The following CEP85L variants were observed in gnomAD, a reference collection of about 807,000 sequenced individuals.
CEP85L encodes centrosomal protein of 85 kDa-like.
Under a neutral mutation model 100.3 loss-of-function variants are expected in CEP85L, and 60 were observed. That is an observed-to-expected ratio of 0.60 (90% CI 0.49 to 0.74). The LOEUF (loss-of-function observed/expected upper bound fraction) is 0.74. CEP85L is among the 30% of genes least tolerant of loss of function. The probability of loss-of-function intolerance (pLI) is 0.00; values close to 1 mark genes in which losing one functional copy is unlikely to be tolerated. For synonymous variants in CEP85L, 319 were observed against 322.7 expected (o/e 0.99, Z 0.12); for missense variants, 973 against 936.2 (o/e 1.04, Z -0.51).
chr6:118,645,661 G>C (rs556557356), intron 1 of CEP85L, among the ~76,000 whole-genome samples: 14 of 152,276 alleles, frequency 9.2e-5, no homozygotes, highest in Non-Finnish European at 1.6e-4. Flanking sequence ...GACAGAGTGA[G>C]ACACTGTCTC....
intron 1 of CEP85L, among the ~76,000 whole-genome samples, chr6:118,689,761 ATAT>A (rs1049323986): frequency 2.0e-5 from 3 of 152,176 alleles, no homozygotes; most frequent in African/African-American, 4.8e-5. Context: ...GCATTTAGTA[ATAT>A]TAATAAAAAG....
Position 118,651,241 on chromosome 6 carries a change from G to A in CEP85L, c.29C>T (p.Ala10Val), listed in dbSNP as rs1454202827. The A allele has an allele frequency of 3.3e-6, 5 of 1,494,228 alleles. No homozygotes were observed. Among genetic ancestry groups the A allele is most frequent in the African/African-American group, 1.5e-5 (1 of 68,824 alleles). 92.6% of individuals were successfully genotyped at this position (1,494,228 alleles called of 1,614,324 possible). A position where few individuals can be genotyped will look rare whatever the true frequency, so the allele number is the denominator to read the frequency against. Reference sequence around the variant, plus strand: ...TCCGCCGGGGCTATCCCGGCCGCTGGCCTCCGGAGCCAGGAAGCGCCCCCA... The same window carrying A: ...TCCGCCGGGGCTATCCCGGCCGCTGACCTCCGGAGCCAGGAAGCGCCCCCA... MWGRFLAPE[A>V]SGRDSPGGAR... The change falls in exon 1 of 13, where the codon GCC (alanine) becomes GTC (valine). Residue 10 changes from alanine to valine, a missense_variant. Physicochemically the swap from Ala to Val is moderately conservative, Grantham distance 64. This residue lies in a region of CEP85L where 79 missense variants were observed against 73.3 expected (regional missense o/e 1.08). Coordinates refer to ENST00000368491, the MANE Select transcript of CEP85L (RefSeq NM_001042475.3).
At chr6:118,544,287 T>C (rs1778074018) in intron 3 of CEP85L, among the ~76,000 whole-genome samples, 1 of 152,190 alleles carries the variant, frequency 6.6e-6, no homozygotes. Context: ...TTTTGTGATG[T>C]ATGTGTTTCC....
chr6:118,705,155 T>G (rs768657856), intron 1 of CEP85L, among the ~76,000 whole-genome samples: 4 of 152,196 alleles, frequency 2.6e-5, no homozygotes, highest in Non-Finnish European at 5.9e-5. Flanking sequence ...TTTTCCATTT[T>G]CAACTTATTT....
chr6:118,476,135 C>T (rs915006146), intron 10 of CEP85L, among the ~76,000 whole-genome samples: 4 of 152,220 alleles, frequency 2.6e-5, no homozygotes, highest in African/African-American at 7.2e-5. Context: ...ACAACTCCCC[C>T]CCGCGACATA....
chr6:118,469,056 G>A lies in CEP85L; in HGVS notation c.2254+16C>T, dbSNP rs762184975. On this transcript the variant is annotated intron_variant, in intron 12 of 12. Coordinates refer to ENST00000368491, the MANE Select transcript of CEP85L (RefSeq NM_001042475.3). ...TCTAATTGCCACAAAATAAGGACAA[G>A]TCATCAGACACTTACATCTTATTCC... 1 of 1,561,038 alleles carries A rather than the reference G, an allele frequency of 6.4e-7. No individual in the cohort carries two copies. The highest frequency in any genetic ancestry group is 8.8e-7 in the Non-Finnish European group (1 of 1,132,804).
chr6:118,594,532 T>G (rs1007928585), intron 2 of CEP85L, among the ~76,000 whole-genome samples: 1 of 152,086 alleles, frequency 6.6e-6, no homozygotes, highest in Non-Finnish European at 1.5e-5. Context: ...ATAAAATACA[T>G]AAGTACACTT....
chr6:118,507,485 G>C (rs979092378), intron 5 of CEP85L, among the ~76,000 whole-genome samples: 1 of 152,140 alleles, frequency 6.6e-6, no homozygotes, highest in African/African-American at 2.4e-5. Flanking sequence ...GGAGGTGAAA[G>C]ATGGCACTAT....
chr6:118,496,740 C>G (rs2114637947), intron 5 of CEP85L, among the ~76,000 whole-genome samples: 1 of 152,320 alleles, frequency 6.6e-6, no homozygotes, highest in South Asian at 2.1e-4. Context: ...GAAAAACAGT[C>G]ACCACTGGCA....
intron 5 of CEP85L, chr6:118,501,468 C>A: frequency 2.4e-6 from 1 of 413,252 alleles, no homozygotes; most frequent in South Asian, 1.9e-5. Flanking sequence ...AGAAAAGATC[C>A]AAGTGCTCTT....
intron 3 of CEP85L, chr6:118,560,010 C>A (rs1160155126): frequency 1.8e-5 from 3 of 167,042 alleles, no homozygotes; most frequent in Non-Finnish European, 2.9e-5. Context: ...GTCTTCCATT[C>A]CAGCCTAACA....
intron 1 of CEP85L, among the ~76,000 whole-genome samples, chr6:118,679,401 A>G (rs1245358484): frequency 6.6e-6 from 1 of 152,246 alleles, no homozygotes; most frequent in Non-Finnish European, 1.5e-5. Flanking sequence ...AACTAAAAGG[A>G]AAGGAGTTAT....
intron 2 of CEP85L, among the ~76,000 whole-genome samples, chr6:118,575,683 T>C (rs2115048175): frequency 6.6e-6 from 1 of 152,314 alleles, no homozygotes; most frequent in East Asian, 1.9e-4. Flanking sequence ...AGAAATACTG[T>C]CTCAGCTTCA....
intron 4 of CEP85L, among the ~76,000 whole-genome samples, chr6:118,519,473 T>TGTGTGTGTGG (rs1776500318): frequency 5.5e-5 from 1 of 18,216 alleles, no homozygotes. Flanking sequence ...TGTGTGTGTG[T>TGTGTGTGTGG]GGCGGGGGGG....
At chr6:118,576,935 G>A (rs1319226582) in intron 2 of CEP85L, among the ~76,000 whole-genome samples, 1 of 152,170 alleles carries the variant, frequency 6.6e-6, no homozygotes, top group Non-Finnish European at 1.5e-5. Context: ...CGACAGGTAG[G>A]CCAGAAACCC....
intron 2 of CEP85L, among the ~76,000 whole-genome samples, chr6:118,603,367 G>A (rs1781880790): frequency 6.6e-6 from 1 of 152,158 alleles, no homozygotes; most frequent in South Asian, 2.1e-4. Flanking sequence ...ATTTCTTAAA[G>A]GAAAACACAC....
chr6:118,498,648 G>C (rs530370578), intron 5 of CEP85L, among the ~76,000 whole-genome samples: 1 of 151,150 alleles, frequency 6.6e-6, no homozygotes, highest in Non-Finnish European at 1.5e-5. Context: ...AGGGAGGAAA[G>C]GGAGGAAAGG....
At chr6:118,551,241 T>A (rs957760637) in intron 3 of CEP85L, among the ~76,000 whole-genome samples, 6 of 151,884 alleles carry the variant, frequency 4.0e-5, no homozygotes, top group Admixed American at 3.3e-4. Context: ...AAATGAAGCC[T>A]GGATGTACAG....
At chr6:118,544,187 T>C (rs961411702) in intron 3 of CEP85L, among the ~76,000 whole-genome samples, 1 of 152,202 alleles carries the variant, frequency 6.6e-6, no homozygotes, top group African/African-American at 2.4e-5. Flanking sequence ...AGAACCTTCT[T>C]AACAATGTAA....
Sources: gnomAD v4.1 joint callset for allele counts (sites outside exome capture counted in the v4.1 genomes callset) on GRCh38, gnomAD v4.1.1 for gene constraint, gnomAD v4.1.1 regional missense constraint, MANE v1.5 for transcripts, NCBI Gene and HGNC (gene_info 2026-07-23, HGNC 2026-07-21) for gene names.